Variants in NBEA observed in about 807,000 individuals in gnomAD.
NBEA encodes the protein neurobeachin.
A neutral mutation model predicts 343.4 loss-of-function variants in NBEA; 44 were observed. That is an observed-to-expected ratio of 0.13 (90% CI 0.10 to 0.16). The LOEUF (loss-of-function observed/expected upper bound fraction) is 0.16, where lower values mean the gene tolerates loss of function less well. Among genes scored for constraint, NBEA ranks in the 10% least tolerant of loss-of-function variants. NBEA has a pLI of 1.00. For synonymous variants in NBEA, 1,175 were observed against 1,238.7 expected (o/e 0.95, Z 1.08); for missense variants, 2,555 against 3,631.3 (o/e 0.70, Z 7.62).
chr13:35,378,790 A>C (rs749048780), intron 38 of NBEA, among the ~76,000 whole-genome samples: 1 of 151,896 alleles, frequency 6.6e-6, no homozygotes, highest in Non-Finnish European at 1.5e-5. Context: ...ACCCTATATG[A>C]GCCCTTCTTG....
chr13:35,118,484 T>C lies in NBEA; in HGVS notation c.2243+10T>C. The stretch of plus-strand genomic sequence containing the variant: ...AAAGAAATGGAATAAGGTATGATTA[T>C]AATATTAGTATTACTATTAGACTTT... On this transcript the variant is annotated intron_variant, in intron 16 of 58. Transcript: ENST00000379939. The C allele has an allele frequency of 6.4e-7, 1 of 1,553,350 alleles. No individual in the cohort carries two copies. Among genetic ancestry groups the C allele is most frequent in the Non-Finnish European group, 8.8e-7 (1 of 1,140,456 alleles).
intron 38 of NBEA, among the ~76,000 whole-genome samples, chr13:35,372,191 G>A (rs574669361): frequency 6.6e-6 from 1 of 152,122 alleles, no homozygotes; most frequent in East Asian, 1.9e-4. Context: ...GGCGTGGTAT[G>A]AGTGATGGTA....
At chr13:35,429,418 T>C (rs1207206320) in intron 38 of NBEA, among the ~76,000 whole-genome samples, 1 of 152,150 alleles carries the variant, frequency 6.6e-6, no homozygotes, top group Non-Finnish European at 1.5e-5. Context: ...TGCTGTTTTT[T>C]TTTGATCTTT....
chr13:35,445,791 T>C (rs2045976997), intron 39 of NBEA, among the ~76,000 whole-genome samples: 1 of 70,272 alleles, frequency 1.4e-5, no homozygotes, highest in Non-Finnish European at 2.8e-5. Context: ...TTTATATATA[T>C]ATATATATAT....
chr13:35,401,897 C>T (rs980994744), intron 38 of NBEA, among the ~76,000 whole-genome samples: 2 of 151,908 alleles, frequency 1.3e-5, no homozygotes, highest in African/African-American at 4.8e-5. Context: ...ACATAAACCT[C>T]CTTTATGTGA....
intron 1 of NBEA, among the ~76,000 whole-genome samples, chr13:34,955,697 T>A (rs1037457299): frequency 1.3e-5 from 2 of 152,168 alleles, no homozygotes; most frequent in Non-Finnish European, 1.5e-5. Context: ...TTTGTAGAAA[T>A]CATTTTTTTT....
intron 34 of NBEA, among the ~76,000 whole-genome samples, chr13:35,261,512 AAATAATAAT>A (rs977099676): frequency 6.6e-6 from 1 of 152,072 alleles, no homozygotes; most frequent in Non-Finnish European, 1.5e-5. Context: ...CTCCATCTCA[AAATAATAAT>A]AATAATAAAG....
At chr13:35,002,423 A>G (rs2061171875) in intron 1 of NBEA, among the ~76,000 whole-genome samples, 1 of 152,186 alleles carries the variant, frequency 6.6e-6, no homozygotes, top group African/African-American at 2.4e-5. Flanking sequence ...CATCTTAGAA[A>G]GTACTGGAGA....
chr13:35,044,646 TC>T (rs2062779647), intron 2 of NBEA, among the ~76,000 whole-genome samples: 1 of 122,636 alleles, frequency 8.2e-6, no homozygotes, highest in South Asian at 2.7e-4. Flanking sequence ...GTGTGTGTGT[TC>T]TGGGAATATG....
At chr13:35,282,708 AG>A (rs2035135874) in intron 34 of NBEA, among the ~76,000 whole-genome samples, 1 of 152,196 alleles carries the variant, frequency 6.6e-6, no homozygotes, top group African/African-American at 2.4e-5. Flanking sequence ...TGTGAATAAA[AG>A]TATCTCATTC....
chr13:35,140,056 C>G (rs2068002534), intron 17 of NBEA, among the ~76,000 whole-genome samples: 1 of 152,126 alleles, frequency 6.6e-6, no homozygotes, highest in Admixed American at 6.5e-5. Flanking sequence ...AGGTCTCACT[C>G]TGTTGCTCAG....
At chr13:35,432,226 C>A in intron 38 of NBEA, 43 bp from the exon 39 acceptor site, 1 of 1,496,970 alleles carries the variant, frequency 6.7e-7, no homozygotes. Flanking sequence ...TCCAGCTATG[C>A]ATTGTTATTA....
chr13:35,354,872 A>G (rs1222173544), intron 38 of NBEA, among the ~76,000 whole-genome samples: 2 of 152,140 alleles, frequency 1.3e-5, no homozygotes, highest in Non-Finnish European at 2.9e-5. Flanking sequence ...CTGTATATTC[A>G]TCTGCCCACT....
intron 1 of NBEA, among the ~76,000 whole-genome samples, chr13:34,970,853 C>T (rs985145121): frequency 6.6e-6 from 1 of 152,106 alleles, no homozygotes; most frequent in Non-Finnish European, 1.5e-5. Context: ...TCTGGCTATT[C>T]AGGCTCTTTT....
At chr13:35,571,216 CA>C (rs1566340074) in intron 45 of NBEA, among the ~76,000 whole-genome samples, 1 of 152,030 alleles carries the variant, frequency 6.6e-6, no homozygotes, top group South Asian at 2.1e-4. Flanking sequence ...TGTACAATGC[CA>C]AAAAAATAAA....
intron 18 of NBEA, among the ~76,000 whole-genome samples, chr13:35,148,961 T>G (rs2068602971): frequency 6.6e-6 from 1 of 152,176 alleles, no homozygotes; most frequent in Non-Finnish European, 1.5e-5. Context: ...TCTATAATAT[T>G]ACTTTTAACT....
chr13:35,329,851 T>C (rs1031800068), intron 36 of NBEA, among the ~76,000 whole-genome samples: 9 of 150,890 alleles, frequency 6.0e-5, no homozygotes, highest in African/African-American at 2.2e-4. Flanking sequence ...TCATTACTTA[T>C]AAAGTTCAGG....
At chr13:35,196,881 G>T (rs924629403) in intron 31 of NBEA, among the ~76,000 whole-genome samples, 5 of 151,984 alleles carry the variant, frequency 3.3e-5, no homozygotes, top group African/African-American at 1.2e-4. Flanking sequence ...ATTTTTGAAA[G>T]GTATTTTGGC....
At chr13:35,145,595 A>T (rs541165649) in intron 18 of NBEA, among the ~76,000 whole-genome samples, 1 of 152,304 alleles carries the variant, frequency 6.6e-6, no homozygotes, top group East Asian at 1.9e-4. Flanking sequence ...CTATCCCTAA[A>T]GCCCGGAGGC....
Sources: gnomAD v4.1 joint callset for allele counts (sites outside exome capture counted in the v4.1 genomes callset) on GRCh38, gnomAD v4.1.1 for gene constraint, MANE v1.5 for transcripts, NCBI Gene and HGNC (gene_info 2026-07-23, HGNC 2026-07-21) for gene names.